The following MCC variants were observed in gnomAD, a reference collection of about 807,000 sequenced individuals.
MCC encodes colorectal mutant cancer protein.
Under a neutral mutation model 116.2 loss-of-function variants are expected in MCC, and 90 were observed. The observed-to-expected ratio is 0.77, with a 90% confidence interval of 0.65 to 0.92. The LOEUF (loss-of-function observed/expected upper bound fraction) is 0.92. MCC is among the 40% of genes least tolerant of loss of function. The pLI is 0.00. For synonymous variants in MCC, 578 were observed against 510.5 expected (o/e 1.13, Z -1.78); for missense variants, 1,516 against 1,312.2 (o/e 1.16, Z -2.40).
At position 113,488,345 on chromosome 5, in the gene MCC, T is replaced by TGCCGCTGCCGCCGCC. The variant is rs1554087740; in HGVS notation, c.55_69dup (p.Gly19_Gly23dup). On this transcript the variant is annotated inframe_insertion, in exon 1 of 19. Coordinates refer to ENST00000408903, the MANE Select transcript of MCC (RefSeq NM_001085377.2). ...GACGTGTCGCTGCTGCTGCTGCTGC[T>TGCCGCTGCCGCCGCC]GCCGCTGCCGCCGCCGCCGCCGCCG... The TGCCGCTGCCGCCGCC allele has an allele frequency of 4.0e-6, 6 of 1,498,654 alleles. No individual in the cohort carries two copies. In the African/African-American group the frequency reaches 7.2e-5, roughly 18 times the overall value. The allele number at this position is 1,498,654 out of a possible 1,614,324, so 92.8% of individuals were successfully genotyped here.
At chr5:113,140,811 CCG>C (rs1358881542) in intron 5 of MCC, among the ~76,000 whole-genome samples, 1 of 152,146 alleles carries the variant, frequency 6.6e-6, no homozygotes, top group Admixed American at 6.5e-5. Context: ...ATTCTGTAGA[CCG>C]TGGGTATGCT....
At chr5:113,285,345 C>T (rs1040708613) in intron 3 of MCC, among the ~76,000 whole-genome samples, 15 of 116,572 alleles carry the variant, frequency 1.3e-4, no homozygotes, top group South Asian at 3.5e-4. Flanking sequence ...CTGCCTACCC[C>T]GCCCCCCACC....
At chr5:113,242,447 A>G (rs1764407255) in intron 3 of MCC, among the ~76,000 whole-genome samples, 1 of 151,898 alleles carries the variant, frequency 6.6e-6, no homozygotes, top group Non-Finnish European at 1.5e-5. Flanking sequence ...AATAAAGGAC[A>G]AAATTAACTG....
At chr5:113,286,451 G>A (rs1330296113) in intron 3 of MCC, among the ~76,000 whole-genome samples, 1 of 152,136 alleles carries the variant, frequency 6.6e-6, no homozygotes, top group Non-Finnish European at 1.5e-5. Flanking sequence ...ACACATTGAG[G>A]TTTCATGAAA....
intron 6 of MCC, among the ~76,000 whole-genome samples, chr5:113,105,525 C>T (rs898847567): frequency 2.6e-5 from 4 of 152,186 alleles, no homozygotes; most frequent in Non-Finnish European, 5.9e-5. Flanking sequence ...TGTTCCTCCC[C>T]GATCTCTCCC....
chr5:113,059,273 TCTC>T (rs961024135), intron 14 of MCC, among the ~76,000 whole-genome samples: 1 of 152,192 alleles, frequency 6.6e-6, no homozygotes, highest in African/African-American at 2.4e-5. Context: ...CGGCTTCCCT[TCTC>T]CTGCTTCCAG....
chr5:113,207,558 T>A (rs1762963371), intron 3 of MCC, among the ~76,000 whole-genome samples: 1 of 152,154 alleles, frequency 6.6e-6, no homozygotes, highest in Non-Finnish European at 1.5e-5. Context: ...TCTTTGTTCT[T>A]TTGTTCTTTT....
intron 3 of MCC, among the ~76,000 whole-genome samples, chr5:113,314,103 G>C (rs1767214351): frequency 6.6e-6 from 1 of 151,748 alleles, no homozygotes; most frequent in Non-Finnish European, 1.5e-5. Context: ...ACAGGTGTGA[G>C]CCACTGCACT....
chr5:113,387,303 C>CAGT (rs1362450550), intron 1 of MCC, among the ~76,000 whole-genome samples: 2 of 152,144 alleles, frequency 1.3e-5, no homozygotes, highest in Non-Finnish European at 2.9e-5. Context: ...TTTCTTCCAT[C>CAGT]AGTAGCTAAT....
intron 1 of MCC, among the ~76,000 whole-genome samples, chr5:113,439,946 C>T (rs1770984930): frequency 6.6e-6 from 1 of 152,078 alleles, no homozygotes; most frequent in Non-Finnish European, 1.5e-5. Flanking sequence ...CTCACTATAG[C>T]CTCAACCTCC....
In MCC at chr5:113,101,824, A is replaced by G; in HGVS notation, c.1313T>C (p.Met438Thr). The G allele has an allele frequency of 6.2e-7, 1 of 1,613,624 alleles. No homozygotes were observed. The highest frequency in any genetic ancestry group is 1.1e-5 in the South Asian group (1 of 91,078). Residue 438 changes from methionine to threonine, a missense_variant, in exon 8 of 19, where the codon ATG (methionine) becomes ACG (threonine). Physicochemically the swap from Met to Thr is moderately conservative, Grantham distance 81. Coordinates refer to ENST00000408903, the MANE Select transcript of MCC (RefSeq NM_001085377.2). ...CAGTTCTTCCTCTTTGCTGCACAGC[A>G]TGGCAGTCAGGCTCTCATTCTCTTC... The part of the protein sequence containing the change: ...LREENESLTA[M>T]LCSKEEELNR...
chr5:113,339,359 G>C (rs1362810885), intron 3 of MCC, among the ~76,000 whole-genome samples: 1 of 151,470 alleles, frequency 6.6e-6, no homozygotes, highest in Admixed American at 6.6e-5. Flanking sequence ...ATAAACTGAT[G>C]TTGACACACT....
At chr5:113,078,006 A>G (rs1376491720) in intron 11 of MCC, among the ~76,000 whole-genome samples, 11 of 152,240 alleles carry the variant, frequency 7.2e-5, no homozygotes. Context: ...ACAAACTACC[A>G]TCAGAGAATA....
chr5:113,441,533 GGGGTA>G (rs1436871286), intron 1 of MCC, among the ~76,000 whole-genome samples: 1 of 151,874 alleles, frequency 6.6e-6, no homozygotes, highest in African/African-American at 2.4e-5. Flanking sequence ...CTCAAGTTCT[GGGGTA>G]CATGTGCGGA....
chr5:113,327,561 A>ATATAT (rs1554076392), intron 3 of MCC, among the ~76,000 whole-genome samples: 15 of 80,564 alleles, frequency 1.9e-4, no homozygotes, highest in African/African-American at 4.0e-4. Flanking sequence ...AAAAAAAAAA[A>ATATAT]ATATATATAT....
chr5:113,095,947 C>T (rs1755979581), intron 8 of MCC, among the ~76,000 whole-genome samples: 1 of 152,202 alleles, frequency 6.6e-6, no homozygotes, highest in African/African-American at 2.4e-5. Flanking sequence ...TGATTTCCTT[C>T]ATGGGGTGAG....
At chr5:113,408,116 A>C (rs1490514134) in intron 1 of MCC, among the ~76,000 whole-genome samples, 1 of 152,188 alleles carries the variant, frequency 6.6e-6, no homozygotes, top group Non-Finnish European at 1.5e-5. Flanking sequence ...AAAGGTAGAT[A>C]TCTTTCATAC....
At chr5:113,055,143 C>T (rs1752746953) in intron 14 of MCC, among the ~76,000 whole-genome samples, 1 of 152,190 alleles carries the variant, frequency 6.6e-6, no homozygotes, top group Non-Finnish European at 1.5e-5. Context: ...AAGTGAAGCT[C>T]AGAGACATCA....
chr5:113,478,306 G>C (rs1016151789), intron 1 of MCC, among the ~76,000 whole-genome samples: 2 of 152,220 alleles, frequency 1.3e-5, no homozygotes, highest in East Asian at 1.9e-4. Context: ...GTAGAAGTAG[G>C]AGTCTGTTAT....
Sources: gnomAD v4.1 joint callset for allele counts (sites outside exome capture counted in the v4.1 genomes callset) on GRCh38, gnomAD v4.1.1 for gene constraint, MANE v1.5 for transcripts, NCBI Gene and HGNC (gene_info 2026-07-23, HGNC 2026-07-21) for gene names.